Variants in ERBB4 observed in about 807,000 individuals in gnomAD.
ERBB4 encodes receptor tyrosine-protein kinase erbB-4.
A neutral mutation model predicts 158.0 loss-of-function variants in ERBB4; 42 were observed. The observed-to-expected ratio is 0.27, with a 90% CI of 0.21 to 0.34. The LOEUF is 0.34. ERBB4 is among the 10% of genes least tolerant of loss of function. The probability of loss-of-function intolerance (pLI) is 1.00; values close to 1 mark genes in which losing one functional copy is unlikely to be tolerated. For synonymous variants in ERBB4, 583 were observed against 558.7 expected (o/e 1.04, Z -0.61); for missense variants, 1,333 against 1,624.1 (o/e 0.82, Z 3.08).
chr2:212,384,196 C>A (rs2090599811), intron 1 of ERBB4, among the ~76,000 whole-genome samples: 1 of 151,554 alleles, frequency 6.6e-6, no homozygotes, highest in Non-Finnish European at 1.5e-5. Context: ...GCAATTGTGA[C>A]CCTATCTGTA....
intron 3 of ERBB4, among the ~76,000 whole-genome samples, chr2:211,861,101 T>TATATATATTTTATAATA (rs1277377699): frequency 4.0e-5 from 1 of 25,122 alleles, no homozygotes; most frequent in African/African-American, 1.7e-4. Context: ...TATAAATACA[T>TATATATATTTTATAATA]TATATATATT....
chr2:211,459,056 A>T (rs1228511537), intron 20 of ERBB4, among the ~76,000 whole-genome samples: 1 of 152,212 alleles, frequency 6.6e-6, no homozygotes, highest in Non-Finnish European at 1.5e-5. Context: ...CATAAAAGCA[A>T]AAACTATAGA....
rs200979026 is a variant in ERBB4 at position 212,332,119 on chromosome 2, T to C, written c.82+206330A>G. Among the ~76,000 whole-genome samples the C allele has an allele frequency of 7.9e-5, 12 of 152,036 alleles. No homozygotes were observed. In the East Asian group the frequency reaches 2.3e-3, roughly 29 times the overall value. On this transcript the variant is annotated intron_variant, in intron 1 of 27. Coordinates refer to ENST00000342788, the MANE Select transcript of ERBB4 (RefSeq NM_005235.3). The stretch of plus-strand genomic sequence containing the variant: ...TTGAATTCCCATGTGTTGTGAGAAT[T>C]TAACATGAGGTACTGGGAAGGACCC...
Position 211,378,998 on chromosome 2 carries a change from C to T in ERBB4, c.*4617G>A, listed in dbSNP as rs796908402. On this transcript the variant is annotated 3_prime_UTR_variant, in exon 28 of 28. Coordinates refer to ENST00000342788, the MANE Select transcript of ERBB4 (RefSeq NM_005235.3). ...ATCTGGTTTTTTTAACAACTAGAAG[C>T]TGATGCACATGGATTTCTCATTTGC... is the stretch of plus-strand genomic sequence containing the variant. 9.9e-5 allele frequency: 23 copies of T among 231,596 alleles called. No individual in the cohort carries two copies. The highest frequency in any genetic ancestry group is 5.1e-4 in the African/African-American group (23 of 45,266). The allele number at this position is 231,596 out of a possible 1,614,324, so 14.3% of individuals were successfully genotyped here.
At chr2:211,654,908 G>A (rs186358258) in intron 16 of ERBB4, among the ~76,000 whole-genome samples, 2 of 152,178 alleles carry the variant, frequency 1.3e-5, no homozygotes, top group East Asian at 3.9e-4. Flanking sequence ...ATCTGAATTA[G>A]GTGTTTTAGT....
intron 3 of ERBB4, among the ~76,000 whole-genome samples, chr2:211,898,633 T>C (rs1317469481): frequency 3.3e-5 from 5 of 152,170 alleles, no homozygotes; most frequent in Non-Finnish European, 7.4e-5. Context: ...TAAATGTTTT[T>C]AAAAAATGCA....
intron 19 of ERBB4, among the ~76,000 whole-genome samples, chr2:211,591,112 A>G (rs2068448051): frequency 1.3e-5 from 2 of 152,242 alleles, no homozygotes; most frequent in Non-Finnish European, 2.9e-5. Context: ...TACCCAGCAA[A>G]TTAATAAAGA....
At chr2:211,746,844 A>G (rs948256367) in intron 5 of ERBB4, among the ~76,000 whole-genome samples, 4 of 151,904 alleles carry the variant, frequency 2.6e-5, no homozygotes, top group Admixed American at 1.3e-4. Context: ...AAAAAAAAAA[A>G]AAACCCTCCA....
intron 2 of ERBB4, among the ~76,000 whole-genome samples, chr2:212,082,634 C>G (rs1187107195): frequency 6.6e-6 from 1 of 151,932 alleles, no homozygotes; most frequent in Non-Finnish European, 1.5e-5. Context: ...GTATGACACT[C>G]AGTCTTAAAA....
chr2:211,989,657 C>T (rs1049906987), intron 2 of ERBB4, among the ~76,000 whole-genome samples: 2 of 151,858 alleles, frequency 1.3e-5, no homozygotes, highest in Non-Finnish European at 2.9e-5. Flanking sequence ...ATTAGGATCA[C>T]CCAGTAGGTG....
At chr2:212,414,195 A>G (rs2091584817) in intron 1 of ERBB4, among the ~76,000 whole-genome samples, 1 of 152,216 alleles carries the variant, frequency 6.6e-6, no homozygotes, top group African/African-American at 2.4e-5. Context: ...TTAAATTTCA[A>G]TAGTTACATG....
intron 1 of ERBB4, among the ~76,000 whole-genome samples, chr2:212,338,997 T>C (rs1169936503): frequency 6.6e-6 from 1 of 152,158 alleles, no homozygotes; most frequent in Non-Finnish European, 1.5e-5. Context: ...TCCTAGTGCA[T>C]TATTATCATT....
At chr2:211,517,566 T>C (rs948927278) in intron 20 of ERBB4, among the ~76,000 whole-genome samples, 1 of 152,174 alleles carries the variant, frequency 6.6e-6, no homozygotes, top group Non-Finnish European at 1.5e-5. Context: ...TTTGCCTCTT[T>C]TCCCATGGTC....
rs1207239477 is a variant in ERBB4, at chr2:212,044,451, C to CTAGTCTA, written c.234+80300_234+80301insTAGACTA. ...GTTTTTTTCTAGTCTACCTAACCCT[C>CTAGTCTA]CCCCTTTTGAAACAGATTTCGTATC... On this transcript the variant is annotated intron_variant, in intron 2 of 27. Transcript: ENST00000342788. Among the ~76,000 whole-genome samples the CTAGTCTA allele has an allele frequency of 1.1e-4, 16 of 152,240 alleles. No homozygotes were observed. The South Asian group carries it at 2.9e-3, about 28-fold the overall frequency.
At chr2:212,250,365 G>C (rs2084485004) in intron 1 of ERBB4, among the ~76,000 whole-genome samples, 1 of 151,948 alleles carries the variant, frequency 6.6e-6, no homozygotes, top group East Asian at 1.9e-4. Context: ...GTAATTGTGA[G>C]CAAATCTGTA....
intron 2 of ERBB4, among the ~76,000 whole-genome samples, chr2:211,958,593 A>G (rs2081092283): frequency 1.3e-5 from 2 of 152,100 alleles, no homozygotes; most frequent in Admixed American, 1.3e-4. Flanking sequence ...AGTCATATAG[A>G]CAAAAAGTGA....
At chr2:211,524,922 A>G (rs2066303956) in intron 20 of ERBB4, among the ~76,000 whole-genome samples, 1 of 152,186 alleles carries the variant, frequency 6.6e-6, no homozygotes, top group Non-Finnish European at 1.5e-5. Context: ...AAGGACTGCC[A>G]GCACGCTGCC....
At chr2:211,840,733 A>C (rs2077452066) in intron 3 of ERBB4, among the ~76,000 whole-genome samples, 1 of 152,112 alleles carries the variant, frequency 6.6e-6, no homozygotes, top group African/African-American at 2.4e-5. Flanking sequence ...AGAAATTCAA[A>C]AATATATGGA....
intron 20 of ERBB4, among the ~76,000 whole-genome samples, chr2:211,558,175 A>C (rs1324919151): frequency 6.6e-6 from 1 of 152,154 alleles, no homozygotes; most frequent in African/African-American, 2.4e-5. Context: ...GGAAGTCCAT[A>C]ATCAGTTTCA....
Sources: gnomAD v4.1 joint callset for allele counts (sites outside exome capture counted in the v4.1 genomes callset) on GRCh38, gnomAD v4.1.1 for gene constraint, MANE v1.5 for transcripts, NCBI Gene and HGNC (gene_info 2026-07-23, HGNC 2026-07-21) for gene names.